The following ERG variants were observed in gnomAD, a reference collection of about 807,000 sequenced individuals.
The protein encoded by ERG is ETS transcription factor ERG.
A neutral mutation model predicts 55.3 loss-of-function variants in ERG; 9 were observed. That is an observed-to-expected ratio of 0.16 (90% CI 0.10 to 0.28). The LOEUF is 0.28. ERG is among the 10% of genes least tolerant of loss of function. The pLI is 1.00. For missense variants in ERG, 434 were observed against 631.6 expected (o/e 0.69, Z 3.35); for synonymous variants, 223 against 237.3 (o/e 0.94, Z 0.55).
In ERG at chr21:38,380,730, A is replaced by G. The variant is rs895675322; in HGVS notation, c.*2673T>C. ...ATCCAAAATTATCCCAGTTGCTCAT[A>G]AGACTTGCTAATAACCTGGACTGGG... On this transcript the variant is annotated 3_prime_UTR_variant, in exon 10 of 10. Transcript: ENST00000288319. The G allele has an allele frequency of 9.4e-7, 1 of 1,064,984 alleles. No individual in the cohort carries two copies. The highest frequency in any genetic ancestry group is 1.1e-6 in the Non-Finnish European group (1 of 879,180). 66.0% of individuals were successfully genotyped at this position (1,064,984 alleles called of 1,614,324 possible).
chr21:38,642,804 T>A (rs1162324734), intron 1 of ERG, among the ~76,000 whole-genome samples: 2 of 152,076 alleles, frequency 1.3e-5, no homozygotes, highest in African/African-American at 4.8e-5. Flanking sequence ...AGGAGAGGGG[T>A]AGAAACAAGG....
At chr21:38,422,519 C>T (rs563334457) in intron 3 of ERG, among the ~76,000 whole-genome samples, 1 of 152,332 alleles carries the variant, frequency 6.6e-6, no homozygotes, top group Non-Finnish European at 1.5e-5. Flanking sequence ...CTTGAGATCA[C>T]GTTTCTAAAG....
chr21:38,494,192 G>GC (rs1158583531), intron 1 of ERG, among the ~76,000 whole-genome samples: 1 of 152,198 alleles, frequency 6.6e-6, no homozygotes, highest in African/African-American at 2.4e-5. Flanking sequence ...GAATCCCCAG[G>GC]CCAGGGAGCA....
intron 3 of ERG, among the ~76,000 whole-genome samples, chr21:38,421,257 T>G (rs725233): frequency 9.2e-5 from 14 of 152,130 alleles, no homozygotes; most frequent in African/African-American, 3.4e-4. Flanking sequence ...CAGTAAATAC[T>G]AAGGACGGTT....
chr21:38,604,767 C>G (rs1657761048), intron 1 of ERG, among the ~76,000 whole-genome samples: 1 of 152,208 alleles, frequency 6.6e-6, no homozygotes, highest in African/African-American at 2.4e-5. Flanking sequence ...TGGCCTCAGC[C>G]TTACTCAAGG....
rs78478544 is a variant in ERG, at chr21:38,600,165, T to G, written c.-149-15220A>C. Among the ~76,000 whole-genome samples the G allele has an allele frequency of 8.5e-3, 1,301 of 152,240 alleles. 17 individuals carry two copies. The highest frequency in any genetic ancestry group is 0.029 in the African/African-American group (1,218 of 41,550). On this transcript the variant is annotated intron_variant, in intron 1 of 10. Coordinates refer to the ERG transcript ENST00000398910. ...CTACAGATACAAGGAGATCCAAACCTACCCGCAATCCCCACCCAACCCCGC... is the reference window on the plus strand; with the variant it reads ...CTACAGATACAAGGAGATCCAAACCGACCCGCAATCCCCACCCAACCCCGC...
At chr21:38,552,413 A>AC (rs762998523) in intron 2 of ERG, among the ~76,000 whole-genome samples, 35 of 152,268 alleles carry the variant, frequency 2.3e-4, no homozygotes, top group Admixed American at 5.9e-4. Context: ...TTCATGATGA[A>AC]CAGGGATTTG....
chr21:38,616,629 C>T (rs908281501), intron 1 of ERG, among the ~76,000 whole-genome samples: 1 of 151,684 alleles, frequency 6.6e-6, no homozygotes, highest in Non-Finnish European at 1.5e-5. Flanking sequence ...CTGAACTGGA[C>T]TGGACTGGAT....
chr21:38,504,642 G>T (rs1301527907), intron 2 of ERG, among the ~76,000 whole-genome samples: 1 of 152,174 alleles, frequency 6.6e-6, no homozygotes, highest in Non-Finnish European at 1.5e-5. Context: ...GTGCCCATAA[G>T]GCTTCGTATG....
At chr21:38,423,119 G>A (rs61085473) in intron 3 of ERG, among the ~76,000 whole-genome samples, 1 of 148,662 alleles carries the variant, frequency 6.7e-6, no homozygotes, top group Admixed American at 6.7e-5. Context: ...GTGTGTGTGT[G>A]TGTGTATTTT....
intron 2 of ERG, among the ~76,000 whole-genome samples, chr21:38,528,517 G>A (rs2059648151): frequency 1.2e-5 from 1 of 80,472 alleles, no homozygotes; most frequent in South Asian, 4.3e-4. Context: ...GCGGGATCTC[G>A]GCTCACTGCA....
chr21:38,581,264 A>G (rs2060027064), intron 1 of ERG, among the ~76,000 whole-genome samples: 1 of 152,212 alleles, frequency 6.6e-6, no homozygotes, highest in South Asian at 2.1e-4. Flanking sequence ...GCAGAGCCAG[A>G]TGAGGGATGG....
Position 38,627,245 on chromosome 21 carries a change from T to A in ERG, c.-150+34413A>T, listed in dbSNP as rs377314505. On this transcript the variant is annotated intron_variant, in intron 1 of 10. Transcript: ENST00000398910. ...AACCAAAAACAAACAAAATGAACAA[T>A]CAAACAAAAATCATAAAATTGCCAA... 1.8e-3 allele frequency among the ~76,000 whole-genome samples: 273 copies of A among 151,954 alleles called. 1 individual carries two copies. Among genetic ancestry groups the A allele is most frequent in the African/African-American group, 6.0e-3 (248 of 41,442 alleles).
chr21:38,481,562 A>G (rs76979970), intron 1 of ERG, among the ~76,000 whole-genome samples: 3,245 of 152,346 alleles, frequency 0.021, 62 homozygotes, highest in East Asian at 0.084. Context: ...TATTTGGCTT[A>G]GATAAGCTGG....
At chr21:38,455,954 G>A (rs1031654124) in intron 1 of ERG, among the ~76,000 whole-genome samples, 9 of 150,716 alleles carry the variant, frequency 6.0e-5, no homozygotes, top group African/African-American at 1.5e-4. Context: ...AGAAGAAGCC[G>A]CAAGACCACA....
intron 2 of ERG, among the ~76,000 whole-genome samples, chr21:38,574,594 G>A (rs547458894): frequency 2.2e-4 from 34 of 152,306 alleles, no homozygotes; most frequent in African/African-American, 8.2e-4. Context: ...CTCACCAAAT[G>A]TATTGTTTTA....
chr21:38,605,244 A>G (rs2060189608), intron 1 of ERG, among the ~76,000 whole-genome samples: 1 of 152,180 alleles, frequency 6.6e-6, no homozygotes. Flanking sequence ...GTGGCACAGT[A>G]ACCATTGTCA....
chr21:38,404,911 G>A (rs1036544719), intron 3 of ERG, among the ~76,000 whole-genome samples: 3 of 152,112 alleles, frequency 2.0e-5, no homozygotes, highest in African/African-American at 7.2e-5. Context: ...TACATTTTTA[G>A]GTTTGCAGAG....
Position 38,391,025 on chromosome 21 carries a change from C to T in ERG, c.889G>A (p.Gly297Arg). 6.2e-7 allele frequency: 1 copy of T among 1,613,548 alleles called. No homozygotes were observed. The highest frequency in any genetic ancestry group is 8.5e-7 in the Non-Finnish European group (1 of 1,179,598). ...RPQLDPYQIL[G>R]PTSSRLANPG... Reference sequence around the variant, plus strand: ...TTTGCAAGGCGGCTACTTGTTGGTCCAAGAATCTGATAAGGATCTACAGCA... The same window carrying T: ...TTTGCAAGGCGGCTACTTGTTGGTCTAAGAATCTGATAAGGATCTACAGCA... The change falls in exon 9 of 10, where the codon GGA becomes AGA. Residue 297 changes from glycine to arginine, a missense_variant. Transcript: ENST00000288319.
Sources: allele counts gnomAD v4.1 joint callset (sites outside exome capture counted in the v4.1 genomes callset), GRCh38; gene constraint gnomAD v4.1.1; transcripts MANE v1.5; gene names NCBI Gene and HGNC (gene_info 2026-07-23, HGNC 2026-07-21).